Variants in ATP2B2 observed in about 807,000 individuals in gnomAD.
The protein encoded by ATP2B2 is ATPase plasma membrane Ca2+ transporting 2.
Under a neutral mutation model 120.0 loss-of-function variants are expected in ATP2B2, and 15 were observed. The observed-to-expected ratio is 0.12, with a 90% confidence interval of 0.08 to 0.19. The LOEUF (loss-of-function observed/expected upper bound fraction) is 0.19, where lower values mean the gene tolerates loss of function less well. Ranked by LOEUF, ATP2B2 falls within the 10% of genes least tolerant of loss-of-function variation. The pLI is 1.00. For synonymous variants in ATP2B2, 694 were observed against 700.3 expected (o/e 0.99, Z 0.14); for missense variants, 1,045 against 1,719.8 (o/e 0.61, Z 6.94).
At chr3:10,534,683 A>G (rs1289276106) in intron 2 of ATP2B2, among the ~76,000 whole-genome samples, 1 of 152,058 alleles carries the variant, frequency 6.6e-6, no homozygotes, top group African/African-American at 2.4e-5. Context: ...AGTGACTTAA[A>G]TTTCCTGAGC....
chr3:10,486,352 T>TGTG (rs1157878964), intron 1 of ATP2B2, among the ~76,000 whole-genome samples: 11 of 152,100 alleles, frequency 7.2e-5, no homozygotes, highest in Admixed American at 4.6e-4. Flanking sequence ...TGTGTGTGTG[T>TGTG]GTGTGTGTCT....
Position 10,346,669 on chromosome 3 carries a change from C to T in ATP2B2, c.2405-532G>A, listed in dbSNP as rs535528225. On this transcript the variant is annotated intron_variant, in intron 16 of 22. Transcript: ENST00000360273. This position sits in a 1 kb window ranked among gnomAD's most constrained non-coding sequence, Gnocchi z 4.1. ...CATTCATCTTCAATAAAACATTCAA[C>T]GAATAACAGAATGAACAAATGACAT... is the stretch of plus-strand genomic sequence containing the variant. Among the ~76,000 whole-genome samples the T allele has an allele frequency of 9.2e-5, 14 of 152,272 alleles. No homozygotes were observed. Among genetic ancestry groups the T allele is most frequent in the African/African-American group, 3.1e-4 (13 of 41,550 alleles).
intron 2 of ATP2B2, among the ~76,000 whole-genome samples, chr3:10,618,887 C>T (rs1176290735): frequency 1.3e-5 from 2 of 152,170 alleles, no homozygotes; most frequent in East Asian, 3.8e-4. Context: ...TTGATGGAAG[C>T]TTTCAAGGTT....
intron 2 of ATP2B2, among the ~76,000 whole-genome samples, chr3:10,556,338 G>A (rs2067778685): frequency 6.6e-6 from 1 of 152,218 alleles, no homozygotes; most frequent in African/African-American, 2.4e-5. Flanking sequence ...CTAGCACTGG[G>A]GGGACAAGGG....
intron 2 of ATP2B2, among the ~76,000 whole-genome samples, chr3:10,594,711 T>TATAATA (rs147616326): frequency 0.016 from 2,327 of 149,660 alleles, 37 homozygotes; most frequent in East Asian, 0.054. Flanking sequence ...GAACTTAAAG[T>TATAATA]ATAATAATAA....
chr3:10,511,268 C>A (rs1420353443), intron 3 of ATP2B2, among the ~76,000 whole-genome samples: 1 of 152,134 alleles, frequency 6.6e-6, no homozygotes, highest in African/African-American at 2.4e-5. Context: ...TTCCCTCCGT[C>A]CCCCTTTTCC....
chr3:10,498,338 C>A (rs905027073), intron 1 of ATP2B2, among the ~76,000 whole-genome samples: 2 of 152,232 alleles, frequency 1.3e-5, no homozygotes, highest in African/African-American at 4.8e-5. Context: ...GTCAGGCCCA[C>A]GTAGGATGGC....
chr3:10,611,945 G>A (rs916410836), intron 2 of ATP2B2, among the ~76,000 whole-genome samples: 4 of 152,232 alleles, frequency 2.6e-5, no homozygotes, highest in Non-Finnish European at 4.4e-5. Context: ...TGGTTGTTAC[G>A]CCTATCCTGA....
chr3:10,593,126 A>G (rs1575534320), intron 2 of ATP2B2, among the ~76,000 whole-genome samples: 1 of 152,220 alleles, frequency 6.6e-6, no homozygotes, highest in Non-Finnish European at 1.5e-5. Flanking sequence ...GAAGCATCAT[A>G]AACCTGCTAT....
chr3:10,604,461 T>C (rs1355600602), intron 2 of ATP2B2, among the ~76,000 whole-genome samples: 1 of 152,194 alleles, frequency 6.6e-6, no homozygotes, highest in Non-Finnish European at 1.5e-5. Context: ...GATTGGGTGC[T>C]TCTTGTGGGC....
chr3:10,671,644 C>T (rs1013752778), intron 1 of ATP2B2, among the ~76,000 whole-genome samples: 9 of 152,148 alleles, frequency 5.9e-5, no homozygotes, highest in African/African-American at 1.9e-4. Flanking sequence ...CTAGCAGTCT[C>T]AAGGTCTCTT....
chr3:10,625,596 G>A (rs2069675120), intron 1 of ATP2B2, among the ~76,000 whole-genome samples: 2 of 152,228 alleles, frequency 1.3e-5, no homozygotes, highest in South Asian at 2.1e-4. Context: ...GTGGAGGAGG[G>A]GGAGGTGTTG....
At position 10,345,419 on chromosome 3, in the gene ATP2B2, C is replaced by T; in HGVS notation, c.2668G>A (p.Val890Met). The change falls in exon 18 of 23, where the codon GTG becomes ATG. Residue 890 changes from valine (V) to methionine (M), a missense_variant. Physicochemically the swap from Val to Met is conservative, Grantham distance 21. This residue lies in a region of ATP2B2 where 98 missense variants were observed against 266.7 expected (regional missense o/e 0.37). Coordinates refer to ENST00000360273, the MANE Select transcript of ATP2B2 (RefSeq NM_001001331.4). ...QFQLTVNVVA[V>M]IVAFTGACIT... is the part of the protein sequence containing the mutation. ...CAGGCGCCTGTGAAGGCCACAATCA[C>T]GGCCACCACGTTGACGGTGAGCTGG... The T allele has an allele frequency of 6.2e-7, 1 of 1,614,194 alleles. No individual in the cohort carries two copies. Among genetic ancestry groups the T allele is most frequent in the Non-Finnish European group, 8.5e-7 (1 of 1,180,014 alleles).
intron 3 of ATP2B2, among the ~76,000 whole-genome samples, chr3:10,511,149 C>T (rs996123601): frequency 6.6e-6 from 1 of 152,112 alleles, no homozygotes; most frequent in Non-Finnish European, 1.5e-5. Flanking sequence ...CATGTGCCAC[C>T]CCCTCTGCCA....
intron 3 of ATP2B2, among the ~76,000 whole-genome samples, chr3:10,519,788 G>A (rs1480139671): frequency 6.6e-6 from 1 of 152,226 alleles, no homozygotes; most frequent in Non-Finnish European, 1.5e-5. Context: ...GCAGTCACTT[G>A]TTCATTCAAC....
In ATP2B2 at chr3:10,340,312, C is replaced by G. The variant is rs1287233328; in HGVS notation, c.3167G>C (p.Cys1056Ser). 1 of 1,614,214 alleles carries G rather than the reference C, an allele frequency of 6.2e-7. No individual in the cohort carries two copies. The highest frequency in any genetic ancestry group is 8.5e-7 in the Non-Finnish European group (1 of 1,180,044). The change falls in exon 21 of 23, where the codon TGC becomes TCC. Residue 1056 changes from cysteine to serine, a missense_variant. Transcript: ENST00000360273. This position sits in a 1 kb window ranked among gnomAD's most constrained non-coding sequence, Gnocchi z 5.0. ...IVQFGGKPFSCSPLQLDQWMW... is the reference protein window; with the variant it reads ...IVQFGGKPFSSSPLQLDQWMW... The stretch of plus-strand genomic sequence containing the variant: ...CCACTGGTCCAGCTGCAGTGGAGAG[C>G]AGCTGAATGGCTTCCCTCCAAACTG...
chr3:10,493,307 C>T (rs2066006145), intron 1 of ATP2B2, among the ~76,000 whole-genome samples: 2 of 152,216 alleles, frequency 1.3e-5, no homozygotes, highest in Non-Finnish European at 2.9e-5. Flanking sequence ...GGAATTACCA[C>T]TCAGCTTGAT....
intron 2 of ATP2B2, among the ~76,000 whole-genome samples, chr3:10,556,034 G>A (rs1333937818): frequency 6.6e-6 from 1 of 152,182 alleles, no homozygotes; most frequent in African/African-American, 2.4e-5. Flanking sequence ...GAGTAGCTGG[G>A]ATTACAGGCA....
At chr3:10,481,124 G>A (rs2065394633) in intron 1 of ATP2B2, among the ~76,000 whole-genome samples, 1 of 152,228 alleles carries the variant, frequency 6.6e-6, no homozygotes, top group Admixed American at 6.5e-5. Flanking sequence ...GCAGAGCTGG[G>A]AAATGGAAAG....
Sources: allele counts gnomAD v4.1 joint callset (sites outside exome capture counted in the v4.1 genomes callset), GRCh38; gene constraint gnomAD v4.1.1; regional missense constraint gnomAD v4.1.1; non-coding constraint Gnocchi (gnomAD v3.1); transcripts MANE v1.5; gene names NCBI Gene and HGNC (gene_info 2026-07-23, HGNC 2026-07-21).